The following NFIX variants were observed in gnomAD, a reference collection of about 807,000 sequenced individuals.
The protein encoded by NFIX is nuclear factor I X, also known as nuclear factor 1 X-type.
In NFIX, 2 loss-of-function variants were observed where a neutral mutation model predicts 53.3. The ratio of observed to expected loss-of-function variants is 0.04; its 90% CI spans 0.02 to 0.12. The LOEUF is 0.12. NFIX is among the 10% of genes least tolerant of loss of function. NFIX has a pLI of 1.00. For synonymous variants in NFIX, 244 were observed against 289.0 expected (o/e 0.84, Z 1.58); for missense variants, 310 against 674.5 (o/e 0.46, Z 5.99).
intron 2 of NFIX, among the ~76,000 whole-genome samples, chr19:13,054,081 C>T (rs1599795133): frequency 1.3e-5 from 2 of 152,344 alleles, no homozygotes; most frequent in East Asian, 3.9e-4. Context: ...CCCGGCCTGA[C>T]TCCTGGTAGC....
At chr19:13,010,249 G>T (rs923705062) in intron 1 of NFIX, among the ~76,000 whole-genome samples, 6 of 152,206 alleles carry the variant, frequency 3.9e-5, no homozygotes, top group African/African-American at 1.4e-4. Context: ...TCCGGGCTCA[G>T]CTGGGTCCGG....
In NFIX at chr19:13,088,209, A is replaced by G. The variant is rs1289870964; in HGVS notation, c.1402+73A>G. 3 of 1,503,614 alleles carry G rather than the reference A, an allele frequency of 2.0e-6. No individual in the cohort carries two copies. The highest frequency in any genetic ancestry group is 2.7e-6 in the Non-Finnish European group (3 of 1,123,764). The allele number at this position is 1,503,614 out of a possible 1,614,324, so 93.1% of individuals were successfully genotyped here. ...CGTCCAAACAGTCTCCACTGCAAAAAGAAAAGCCTTCCCCCTCCCCACCAC... is the reference window on the plus strand; with the variant it reads ...CGTCCAAACAGTCTCCACTGCAAAAGGAAAAGCCTTCCCCCTCCCCACCAC... On this transcript the variant is annotated intron_variant, in intron 9 of 10. Coordinates refer to ENST00000592199, the MANE Select transcript of NFIX (RefSeq NM_001365902.3). The surrounding 1 kb of genome is among the most constrained non-coding windows in gnomAD (Gnocchi z 5.9).
Position 13,072,915 on chromosome 19 carries a change from G to A in NFIX, c.560-132G>A, listed in dbSNP as rs80055486. On this transcript the variant is annotated intron_variant, in intron 2 of 10. Coordinates refer to ENST00000592199, the MANE Select transcript of NFIX (RefSeq NM_001365902.3). This position sits in a 1 kb window ranked among gnomAD's most constrained non-coding sequence, Gnocchi z 4.0. The stretch of plus-strand genomic sequence containing the variant: ...CCTCCTGGGGCTGGTTTGGGGAGAG[G>A]GTGGGGTGAAGGTTTCTGTAGCCAG... 7.0e-6 allele frequency: 6 copies of A among 855,706 alleles called. No homozygotes were observed. The highest frequency in any genetic ancestry group is 2.4e-4 in the Middle Eastern group (1 of 4,146). 53.0% of individuals were successfully genotyped at this position (855,706 alleles called of 1,614,324 possible).
chr19:13,095,837 CCGCCCCCCA>C lies in NFIX; in HGVS notation c.*1191_*1199del, dbSNP rs2018415318. Reference sequence around the variant, plus strand: ...TGCCCCCCGACTTTCCCCCGCCTCCCCGCCCCCCACGTGGCCACTTTTCTCTGGATTTTA... The same window carrying C: ...TGCCCCCCGACTTTCCCCCGCCTCCCCGTGGCCACTTTTCTCTGGATTTTA... On this transcript the variant is annotated 3_prime_UTR_variant, in exon 11 of 11. Coordinates refer to ENST00000592199, the MANE Select transcript of NFIX (RefSeq NM_001365902.3). 6.6e-6 allele frequency: 1 copy of C among 151,804 alleles called. No individual in the cohort carries two copies. Among genetic ancestry groups the C allele is most frequent in the Non-Finnish European group, 1.5e-5 (1 of 67,938 alleles). 9.4% of individuals were successfully genotyped at this position (151,804 alleles called of 1,614,324 possible). A position where few individuals can be genotyped will look rare whatever the true frequency, so the allele number is the denominator to read the frequency against.
intron 5 of NFIX, among the ~76,000 whole-genome samples, chr19:13,074,594 G>A (rs1483422902): frequency 6.6e-6 from 1 of 151,860 alleles, no homozygotes; most frequent in African/African-American, 2.4e-5. Flanking sequence ...GGAAAGGCTA[G>A]AGTGGGGGAG....
Position 13,021,549 on chromosome 19 carries a change from G to T in NFIX, c.28-3472G>T, listed in dbSNP as rs1599731189. Among the ~76,000 whole-genome samples the T allele has an allele frequency of 6.6e-6, 1 of 152,184 alleles. No homozygotes were observed. The highest frequency in any genetic ancestry group is 2.4e-5 in the African/African-American group (1 of 41,444). ...AGTGAGCAGTGACCTTTTTTCCGTC[G>T]CCAGCTGAGGACTGAGCCTCGCTGA... On this transcript the variant is annotated intron_variant, in intron 1 of 10. Coordinates refer to ENST00000592199, the MANE Select transcript of NFIX (RefSeq NM_001365902.3). The surrounding 1 kb of genome is among the most constrained non-coding windows in gnomAD (Gnocchi z 4.2).
At chr19:13,050,528 G>A (rs560148657) in intron 2 of NFIX, among the ~76,000 whole-genome samples, 4 of 152,282 alleles carry the variant, frequency 2.6e-5, no homozygotes, top group South Asian at 2.1e-4. Context: ...GGTTCCTGGC[G>A]TCTAGCAGGT....
rs553911905 is a variant in NFIX, at chr19:13,089,883, G to C, written c.1403-416G>C. On this transcript the variant is annotated intron_variant, in intron 9 of 10. Coordinates refer to ENST00000592199, the MANE Select transcript of NFIX (RefSeq NM_001365902.3). This position sits in a 1 kb window ranked among gnomAD's most constrained non-coding sequence, Gnocchi z 4.8. ...CTGAGAGGGGCCAGTGGGAAAGCAG[G>C]GTTATCCACTGAGGGTACCTGGGGA... Among the ~76,000 whole-genome samples the C allele has an allele frequency of 1.7e-4, 26 of 152,300 alleles. No individual in the cohort carries two copies. The highest frequency in any genetic ancestry group is 5.8e-4 in the African/African-American group (24 of 41,580).
In NFIX at chr19:13,088,333, C is replaced by T. The variant is rs1051714987; in HGVS notation, c.1402+197C>T. On this transcript the variant is annotated intron_variant, in intron 9 of 10. Transcript: ENST00000592199. This position sits in a 1 kb window ranked among gnomAD's most constrained non-coding sequence, Gnocchi z 5.9. The stretch of plus-strand genomic sequence containing the variant: ...CTCAGTCGCACCAGCCAGCACCCCA[C>T]GAGCCCCCTGCCCGCTGCTCCCAGC... Among the ~76,000 whole-genome samples the T allele has an allele frequency of 2.0e-5, 3 of 152,040 alleles. No individual in the cohort carries two copies. The highest frequency in any genetic ancestry group is 2.9e-5 in the Non-Finnish European group (2 of 67,978).
In NFIX at chr19:13,068,109, AAAAAACAAAAAC is replaced by A. The variant is rs907142641; in HGVS notation, c.560-4926_560-4915del. Among the ~76,000 whole-genome samples the A allele has an allele frequency of 6.6e-6, 1 of 152,020 alleles. No individual in the cohort carries two copies. Among genetic ancestry groups the A allele is most frequent in the African/African-American group, 2.4e-5 (1 of 41,390 alleles). ...GACAGAGCAAGACTCCATCTCAAAA[AAAAAACAAAAAC>A]AAAAACAAAAAACAAAAACATGCTG... On this transcript the variant is annotated intron_variant, in intron 2 of 10. Transcript: ENST00000592199. This position sits in a 1 kb window ranked among gnomAD's most constrained non-coding sequence, Gnocchi z 4.2.
At position 13,090,128 on chromosome 19, in the gene NFIX, G is replaced by A. The variant is rs2018044220; in HGVS notation, c.1403-171G>A. ...CTCTGTAGTGGGGGGCAGGCTCGGA[G>A]CCTGGCCTTCAGCTCAGATGCCCCT... On this transcript the variant is annotated intron_variant, in intron 9 of 10. Transcript: ENST00000592199. This position sits in a 1 kb window ranked among gnomAD's most constrained non-coding sequence, Gnocchi z 6.6. Among the ~76,000 whole-genome samples, 1 of 152,156 alleles carries A rather than the reference G, an allele frequency of 6.6e-6. No individual in the cohort carries two copies. Among genetic ancestry groups the A allele is most frequent in the African/African-American group, 2.4e-5 (1 of 41,428 alleles).
Position 13,036,189 on chromosome 19 carries a change from T to C in NFIX, c.559+10637T>C, listed in dbSNP as rs149560456. On this transcript the variant is annotated intron_variant, in intron 2 of 10. Coordinates refer to ENST00000592199, the MANE Select transcript of NFIX (RefSeq NM_001365902.3). This position sits in a 1 kb window ranked among gnomAD's most constrained non-coding sequence, Gnocchi z 4.7. ...TCTGGAGTCGACTTCCCAAGTCTCC[T>C]AGGAAGGCGAGGGCTCTCCTTCGTG... Among the ~76,000 whole-genome samples, 11 of 152,282 alleles carry C rather than the reference T, an allele frequency of 7.2e-5. No individual in the cohort carries two copies. Among genetic ancestry groups the C allele is most frequent in the African/African-American group, 2.6e-4 (11 of 41,580 alleles).
chr19:13,025,668 G>T lies in NFIX; in HGVS notation c.559+116G>T. Reference sequence around the variant, plus strand: ...CTCGCCATGGGCCTAACTGGTGTATGCCCGTCCTGCGGGGCCTGCAACACG... The same window carrying T: ...CTCGCCATGGGCCTAACTGGTGTATTCCCGTCCTGCGGGGCCTGCAACACG... On this transcript the variant is annotated intron_variant, in intron 2 of 10. Coordinates refer to ENST00000592199, the MANE Select transcript of NFIX (RefSeq NM_001365902.3). This position sits in a 1 kb window ranked among gnomAD's most constrained non-coding sequence, Gnocchi z 7.5. 8.1e-7 allele frequency: 1 copy of T among 1,229,064 alleles called. No homozygotes were observed. The highest frequency in any genetic ancestry group is 1.1e-6 in the Non-Finnish European group (1 of 891,278). The allele number at this position is 1,229,064 out of a possible 1,614,324, so 76.1% of individuals were successfully genotyped here.
rs1486690702 is a variant in NFIX at position 13,096,852 on chromosome 19, G to A, written c.*2203G>A. On this transcript the variant is annotated 3_prime_UTR_variant, in exon 11 of 11. Coordinates refer to ENST00000592199, the MANE Select transcript of NFIX (RefSeq NM_001365902.3). ...GCCCGGGCCGGAGCGTGCCCGGCGG[G>A]GCTGCCCGGGCGGGCAGGGGGTGGG... 6.6e-6 allele frequency: 1 copy of A among 151,628 alleles called. No individual in the cohort carries two copies. The highest frequency in any genetic ancestry group is 2.4e-5 in the African/African-American group (1 of 41,322). The allele number at this position is 151,628 out of a possible 1,614,324, so 9.4% of individuals were successfully genotyped here.
In NFIX at chr19:13,040,397, C is replaced by T. The variant is rs796992695; in HGVS notation, c.559+14845C>T. On this transcript the variant is annotated intron_variant, in intron 2 of 10. Transcript: ENST00000592199. The surrounding 1 kb of genome is among the most constrained non-coding windows in gnomAD (Gnocchi z 4.2). ...GGTCTGCGGAGCAGCCAAACTCACT[C>T]GTGACAGGGTCTCTTCCCGTGCCAG... Among the ~76,000 whole-genome samples, 2 of 152,372 alleles carry T rather than the reference C, an allele frequency of 1.3e-5. No individual in the cohort carries two copies. Among genetic ancestry groups the T allele is most frequent in the African/African-American group, 4.8e-5 (2 of 41,592 alleles).
At position 13,066,352 on chromosome 19, in the gene NFIX, A is replaced by AC. The variant is rs569328176; in HGVS notation, c.560-6688dup. Among the ~76,000 whole-genome samples, 20 of 144,208 alleles carry AC rather than the reference A, an allele frequency of 1.4e-4. No individual in the cohort carries two copies. Among genetic ancestry groups the AC allele is most frequent in the South Asian group, 4.7e-4 (2 of 4,278 alleles). 94.6% of individuals were successfully genotyped at this position (144,208 alleles called of 152,430 possible). A position where few individuals can be genotyped will look rare whatever the true frequency, so the allele number is the denominator to read the frequency against. On this transcript the variant is annotated intron_variant, in intron 2 of 10. Coordinates refer to ENST00000592199, the MANE Select transcript of NFIX (RefSeq NM_001365902.3). This position sits in a 1 kb window ranked among gnomAD's most constrained non-coding sequence, Gnocchi z 4.2. ...TCTGCCAGGTTCCTGTGCCTTCCCT[A>AC]CCCCCCCGCCCCCAACAATGGCTTT...
chr19:13,059,704 C>G (rs1260454791), intron 2 of NFIX, among the ~76,000 whole-genome samples: 1 of 149,008 alleles, frequency 6.7e-6, no homozygotes, highest in African/African-American at 2.5e-5. Flanking sequence ...GGAGTGGTGC[C>G]AGCAGATGGG....
Position 13,004,170 on chromosome 19 carries a change from C to T in NFIX, c.27+8306C>T, listed in dbSNP as rs145649762. On this transcript the variant is annotated intron_variant, in intron 1 of 10. Coordinates refer to ENST00000592199, the MANE Select transcript of NFIX (RefSeq NM_001365902.3). Reference sequence around the variant, plus strand: ...CCCTACAATGGAACCCCTCAACCCTCGCCGACCACAAAGAATGATCCAGCC... The same window carrying T: ...CCCTACAATGGAACCCCTCAACCCTTGCCGACCACAAAGAATGATCCAGCC... 2.1e-3 allele frequency among the ~76,000 whole-genome samples: 326 copies of T among 152,186 alleles called. 1 individual carries two copies. The highest frequency in any genetic ancestry group is 7.5e-3 in the African/African-American group (311 of 41,510).
chr19:13,088,677 C>T lies in NFIX; in HGVS notation c.1402+541C>T, dbSNP rs910111589. 2.6e-5 allele frequency among the ~76,000 whole-genome samples: 4 copies of T among 152,012 alleles called. No homozygotes were observed. In the East Asian group the frequency reaches 5.8e-4, roughly 22 times the overall value. On this transcript the variant is annotated intron_variant, in intron 9 of 10. Coordinates refer to ENST00000592199, the MANE Select transcript of NFIX (RefSeq NM_001365902.3). The surrounding 1 kb of genome is among the most constrained non-coding windows in gnomAD (Gnocchi z 5.9). The stretch of plus-strand genomic sequence containing the variant: ...CAGCAGGCCAGCCCGACCCCTTCCC[C>T]CTCAGTCTCACATTTGGTTTCTCGT...
Sources: gnomAD v4.1 joint callset for allele counts (sites outside exome capture counted in the v4.1 genomes callset) on GRCh38, gnomAD v4.1.1 for gene constraint, Gnocchi (gnomAD v3.1) non-coding constraint, MANE v1.5 for transcripts, NCBI Gene and HGNC (gene_info 2026-07-23, HGNC 2026-07-21) for gene names.